Variants in PITPNA observed in about 807,000 individuals in gnomAD.
PITPNA encodes the protein phosphatidylinositol transfer protein alpha.
A neutral mutation model predicts 50.3 loss-of-function variants in PITPNA; 13 were observed. The observed-to-expected ratio is 0.26, with a 90% CI of 0.17 to 0.41. The LOEUF (loss-of-function observed/expected upper bound fraction) is 0.41, where lower values mean the gene tolerates loss of function less well. Among genes scored for constraint, PITPNA ranks in the 10% least tolerant of loss-of-function variants. PITPNA has a pLI of 1.00. For missense variants in PITPNA, 207 were observed against 333.4 expected (o/e 0.62, Z 2.95); for synonymous variants, 120 against 119.6 (o/e 1.00, Z -0.02).
intron 3 of PITPNA, among the ~76,000 whole-genome samples, chr17:1,552,013 C>T (rs2075712516): frequency 6.9e-6 from 1 of 145,392 alleles, no homozygotes; most frequent in South Asian, 2.1e-4. Context: ...CCCCACTGCA[C>T]AGCACTGCTC....
At chr17:1,538,643 A>G (rs529959252) in intron 7 of PITPNA, 26 of 468,794 alleles carry the variant, frequency 5.5e-5, no homozygotes, top group African/African-American at 4.8e-4. Context: ...GTCCAGTAAT[A>G]ATTTTCAGAG....
intron 3 of PITPNA, among the ~76,000 whole-genome samples, chr17:1,549,946 A>G (rs1426074614): frequency 6.6e-6 from 1 of 152,160 alleles, no homozygotes; most frequent in Non-Finnish European, 1.5e-5. Context: ...AAGTGCGGGG[A>G]TTACAGGCGT....
chr17:1,537,573 TC>T (rs1270569576), intron 7 of PITPNA, among the ~76,000 whole-genome samples: 1 of 152,196 alleles, frequency 6.6e-6, no homozygotes, highest in Non-Finnish European at 1.5e-5. Flanking sequence ...CTCACACAGA[TC>T]AACCAGAGTT....
intron 1 of PITPNA, among the ~76,000 whole-genome samples, chr17:1,560,675 A>G (rs1241154892): frequency 6.6e-6 from 1 of 152,238 alleles, no homozygotes; most frequent in Non-Finnish European, 1.5e-5. Flanking sequence ...AGGAAAAAGA[A>G]TCAGAAGGAT....
At chr17:1,554,231 G>A (rs899849449) in intron 2 of PITPNA, among the ~76,000 whole-genome samples, 2 of 152,100 alleles carry the variant, frequency 1.3e-5, no homozygotes, top group African/African-American at 2.4e-5. Context: ...TCCTACCGCT[G>A]CCGGTGCTAA....
intron 3 of PITPNA, among the ~76,000 whole-genome samples, chr17:1,551,024 G>T (rs8076213): frequency 2.1e-5 from 3 of 140,364 alleles, no homozygotes; most frequent in East Asian, 2.2e-4. Context: ...CGGAGTCAGC[G>T]GGACCTGATG....
intron 1 of PITPNA, among the ~76,000 whole-genome samples, chr17:1,559,160 C>G (rs1046620705): frequency 6.6e-6 from 1 of 152,146 alleles, no homozygotes; most frequent in Admixed American, 6.5e-5. Flanking sequence ...GAACACACAC[C>G]GGGCATCTCT....
At chr17:1,550,521 TAA>T (rs1368665294) in intron 3 of PITPNA, among the ~76,000 whole-genome samples, 2 of 152,048 alleles carry the variant, frequency 1.3e-5, no homozygotes, top group Non-Finnish European at 2.9e-5. Flanking sequence ...AGCTGGATCC[TAA>T]AAGATTTTTT....
In PITPNA at chr17:1,518,358, C is replaced by T. The variant is rs1487499723; in HGVS notation, c.*2203G>A. The T allele has an allele frequency of 1.3e-5, 2 of 152,654 alleles. No individual in the cohort carries two copies. The highest frequency in any genetic ancestry group is 2.1e-4 in the South Asian group (1 of 4,832). The allele number at this position is 152,654 out of a possible 1,614,324, so 9.5% of individuals were successfully genotyped here. A position where few individuals can be genotyped will look rare whatever the true frequency, so the allele number is the denominator to read the frequency against. On this transcript the variant is annotated 3_prime_UTR_variant, in exon 12 of 12. Coordinates refer to ENST00000313486, the MANE Select transcript of PITPNA (RefSeq NM_006224.4). Reference sequence around the variant, plus strand: ...GGGCATGGCACACACTCAGGTACTACCCCTGGAGCTGAACCTTTATCATAA... The same window carrying T: ...GGGCATGGCACACACTCAGGTACTATCCCTGGAGCTGAACCTTTATCATAA...
intron 5 of PITPNA, among the ~76,000 whole-genome samples, chr17:1,542,236 G>C (rs1056423458): frequency 3.3e-5 from 5 of 151,774 alleles, no homozygotes; most frequent in African/African-American, 7.3e-5. Context: ...TCACGACAGA[G>C]TTGGGTCTCA....
intron 10 of PITPNA, among the ~76,000 whole-genome samples, chr17:1,533,064 C>A (rs1448858684): frequency 6.6e-6 from 1 of 152,234 alleles, no homozygotes; most frequent in African/African-American, 2.4e-5. Context: ...TCACCTGAGG[C>A]CCTGCAGGAG....
rs1454189893 is a variant in PITPNA at position 1,553,184 on chromosome 17, G to A, written c.52-35C>T. 10 of 1,611,104 alleles carry A rather than the reference G, an allele frequency of 6.2e-6. No individual in the cohort carries two copies. The Admixed American group carries it at 1.2e-4, about 19-fold the overall frequency. On this transcript the variant is annotated intron_variant, in intron 2 of 11. Coordinates refer to ENST00000313486, the MANE Select transcript of PITPNA (RefSeq NM_006224.4). ...AGAGACAGATGTTATTCTCAACACG[G>A]ACCCTTCTCAACGGTTACACGTAAT...
chr17:1,544,811 G>C (rs1337045951), intron 4 of PITPNA, among the ~76,000 whole-genome samples: 4 of 152,168 alleles, frequency 2.6e-5, no homozygotes, highest in African/African-American at 9.7e-5. Context: ...GGTGGCGCAT[G>C]CCTGTAATCC....
At chr17:1,531,620 C>T (rs1022521230) in intron 10 of PITPNA, among the ~76,000 whole-genome samples, 6 of 151,318 alleles carry the variant, frequency 4.0e-5, no homozygotes, top group Admixed American at 3.3e-4. Flanking sequence ...CACTGCACGA[C>T]GCCAAGCACT....
intron 1 of PITPNA, among the ~76,000 whole-genome samples, chr17:1,560,090 A>C (rs2075760266): frequency 6.6e-6 from 1 of 152,214 alleles, no homozygotes; most frequent in Non-Finnish European, 1.5e-5. Context: ...TGTTGGAAAA[A>C]TCAACAGGGG....
intron 2 of PITPNA, among the ~76,000 whole-genome samples, chr17:1,557,430 G>A (rs984576134): frequency 1.3e-5 from 2 of 152,166 alleles, no homozygotes; most frequent in African/African-American, 2.4e-5. Context: ...AAAGAGAGAC[G>A]GAGCCCAGTG....
chr17:1,547,531 T>C (rs2075682185), intron 4 of PITPNA, among the ~76,000 whole-genome samples: 1 of 151,776 alleles, frequency 6.6e-6, no homozygotes, highest in South Asian at 2.1e-4. Flanking sequence ...ATGCCTGTAA[T>C]TCCAGCTACT....
chr17:1,526,515 C>T (rs2075549097), intron 10 of PITPNA, among the ~76,000 whole-genome samples: 1 of 152,226 alleles, frequency 6.6e-6, no homozygotes, highest in Non-Finnish European at 1.5e-5. Context: ...ACAATTTGCT[C>T]ACTAATGACC....
chr17:1,542,244 T>C lies in PITPNA; in HGVS notation c.298-604A>G, dbSNP rs959711441. 6.0e-5 allele frequency among the ~76,000 whole-genome samples: 9 copies of C among 150,736 alleles called. 1 individual carries two copies. Among genetic ancestry groups the C allele is most frequent in the Admixed American group, 3.3e-4 (5 of 15,186 alleles). On this transcript the variant is annotated intron_variant, in intron 5 of 11. Transcript: ENST00000313486. The stretch of plus-strand genomic sequence containing the variant: ...ACAGAGATCACGACAGAGTTGGGTC[T>C]CAAAACAGTTTCGTCTGACTTCAGA...
Sources: allele counts gnomAD v4.1 joint callset (sites outside exome capture counted in the v4.1 genomes callset), GRCh38; gene constraint gnomAD v4.1.1; transcripts MANE v1.5; gene names NCBI Gene and HGNC (gene_info 2026-07-23, HGNC 2026-07-21).